Variants in ERBB4 observed in about 807,000 individuals in gnomAD.
ERBB4 encodes the protein erb-b2 receptor tyrosine kinase 4.
ERBB4 carries 42 observed loss-of-function variants against 158.0 expected under a neutral mutation model. The ratio of observed to expected loss-of-function variants is 0.27; its 90% confidence interval spans 0.21 to 0.34. ERBB4 has a LOEUF of 0.34. Ranked by LOEUF, ERBB4 falls within the 10% of genes least tolerant of loss-of-function variation. ERBB4 has a pLI of 1.00. For synonymous variants in ERBB4, 583 were observed against 558.7 expected, an observed-to-expected ratio of 1.04 and a Z score of -0.61; for missense variants, 1,333 against 1,624.1, an observed-to-expected ratio of 0.82 and a Z score of 3.08.
chr2:211,785,070 G>C (rs1307853676), intron 4 of ERBB4, among the ~76,000 whole-genome samples: 4 of 147,912 alleles, frequency 2.7e-5, no homozygotes, highest in African/African-American at 4.9e-5. Flanking sequence ...TCATTCTGTT[G>C]ATTGTACCTT....
intron 19 of ERBB4, among the ~76,000 whole-genome samples, chr2:211,572,286 T>C (rs948916136): frequency 2.0e-5 from 3 of 152,250 alleles, no homozygotes; most frequent in Non-Finnish European, 4.4e-5. Flanking sequence ...TTAAATTTTA[T>C]ATTGTGAAAA....
At chr2:212,237,004 G>T (rs1257677869) in intron 1 of ERBB4, among the ~76,000 whole-genome samples, 1 of 151,726 alleles carries the variant, frequency 6.6e-6, no homozygotes, top group African/African-American at 2.4e-5. Context: ...CTTGTCTTCT[G>T]CTAGCTTTTG....
At chr2:212,525,266 C>T (rs1692388087) in intron 1 of ERBB4, among the ~76,000 whole-genome samples, 1 of 151,804 alleles carries the variant, frequency 6.6e-6, no homozygotes, top group South Asian at 2.1e-4. Flanking sequence ...AACATTTCAC[C>T]TTGACTGGTT....
chr2:211,584,576 T>A (rs1401752595), intron 19 of ERBB4, among the ~76,000 whole-genome samples: 1 of 152,032 alleles, frequency 6.6e-6, no homozygotes, highest in Non-Finnish European at 1.5e-5. Context: ...AAAATATATT[T>A]TGAGTACTAG....
intron 2 of ERBB4, among the ~76,000 whole-genome samples, chr2:212,071,862 T>A (rs2078130972): frequency 6.6e-6 from 1 of 152,026 alleles, no homozygotes; most frequent in Non-Finnish European, 1.5e-5. Context: ...GATTGGAGTC[T>A]GTTAATAAAG....
intron 4 of ERBB4, among the ~76,000 whole-genome samples, chr2:211,773,645 T>TAA (rs2075793827): frequency 1.2e-5 from 1 of 85,294 alleles, no homozygotes; most frequent in East Asian, 5.4e-4. Flanking sequence ...TATATATATA[T>TAA]ATAATATATA....
At chr2:211,981,055 T>C (rs1400109084) in intron 2 of ERBB4, among the ~76,000 whole-genome samples, 1 of 132,664 alleles carries the variant, frequency 7.5e-6, no homozygotes, top group African/African-American at 2.5e-5. Flanking sequence ...ACTTCCTATC[T>C]TGTGAATGTT....
intron 3 of ERBB4, among the ~76,000 whole-genome samples, chr2:211,839,713 T>C (rs2077428733): frequency 6.6e-6 from 1 of 152,068 alleles, no homozygotes; most frequent in Non-Finnish European, 1.5e-5. Context: ...AACACTGGTG[T>C]AAATTAAAAA....
At chr2:211,969,317 A>G (rs1037410823) in intron 2 of ERBB4, among the ~76,000 whole-genome samples, 1 of 152,078 alleles carries the variant, frequency 6.6e-6, no homozygotes, top group South Asian at 2.1e-4. Context: ...AGAGTTGAAT[A>G]GACATATCTC....
rs10205291 is a variant in ERBB4, at chr2:211,695,153, C to T, written c.1489+6814G>A. 4.5e-3 allele frequency among the ~76,000 whole-genome samples: 685 copies of T among 152,270 alleles called. 7 individuals are homozygous for T. Among genetic ancestry groups the T allele is most frequent in the African/African-American group, 0.016 (647 of 41,560 alleles). ...TAAGCAAACACTGTTTTATTCTCCACTGTGTGATATACCTTCCATTCCCTA... is the reference window on the plus strand; with the variant it reads ...TAAGCAAACACTGTTTTATTCTCCATTGTGTGATATACCTTCCATTCCCTA... On this transcript the variant is annotated intron_variant, in intron 12 of 27. Transcript: ENST00000342788.
At chr2:212,402,452 C>T (rs1294953409) in intron 1 of ERBB4, among the ~76,000 whole-genome samples, 1 of 151,968 alleles carries the variant, frequency 6.6e-6, no homozygotes. Context: ...AGAGCCTACC[C>T]AGGTGATAAA....
chr2:211,870,305 A>C (rs1028935859), intron 3 of ERBB4, among the ~76,000 whole-genome samples: 5 of 152,186 alleles, frequency 3.3e-5, no homozygotes, highest in Non-Finnish European at 7.4e-5. Context: ...CATAAAAGTG[A>C]CATCAAGCTT....
chr2:211,673,316 G>T, intron 13 of ERBB4, 59 bp from the exon 14 acceptor site: 1 of 1,218,442 alleles, frequency 8.2e-7, no homozygotes, highest in Non-Finnish European at 1.2e-6. Flanking sequence ...CTTAACAAAT[G>T]AAGTAACATC....
At chr2:212,077,474 C>T (rs892278867) in intron 2 of ERBB4, among the ~76,000 whole-genome samples, 5 of 151,600 alleles carry the variant, frequency 3.3e-5, no homozygotes, top group African/African-American at 1.2e-4. Flanking sequence ...ATCAGTGAAC[C>T]CAGGTAACAT....
intron 16 of ERBB4, among the ~76,000 whole-genome samples, chr2:211,644,982 G>A (rs2070732973): frequency 6.6e-6 from 1 of 151,902 alleles, no homozygotes; most frequent in Non-Finnish European, 1.5e-5. Flanking sequence ...GAGCCACGGG[G>A]GAGGAGAGTA....
At chr2:212,174,044 G>T (rs1349646372) in intron 1 of ERBB4, among the ~76,000 whole-genome samples, 1 of 152,038 alleles carries the variant, frequency 6.6e-6, no homozygotes, top group African/African-American at 2.4e-5. Context: ...CTCAGTAAAG[G>T]TCTGCCATTA....
intron 12 of ERBB4, among the ~76,000 whole-genome samples, chr2:211,692,704 T>C (rs2072869227): frequency 6.6e-6 from 1 of 152,092 alleles, no homozygotes; most frequent in East Asian, 1.9e-4. Flanking sequence ...TAAAGACACG[T>C]GTGATTATAT....
chr2:212,133,984 T>C (rs971165726), intron 1 of ERBB4, among the ~76,000 whole-genome samples: 1 of 152,210 alleles, frequency 6.6e-6, no homozygotes, highest in African/African-American at 2.4e-5. Flanking sequence ...CCAGCTTAAC[T>C]GTTATGAGCA....
intron 19 of ERBB4, among the ~76,000 whole-genome samples, chr2:211,609,463 C>T (rs1004393759): frequency 6.6e-6 from 1 of 152,176 alleles, no homozygotes; most frequent in Admixed American, 6.5e-5. Flanking sequence ...TCTGGCTATA[C>T]TTTTTTGAAC....
Sources: allele counts gnomAD v4.1 joint callset (sites outside exome capture counted in the v4.1 genomes callset), GRCh38; gene constraint gnomAD v4.1.1; transcripts MANE v1.5; gene names NCBI Gene and HGNC (gene_info 2026-07-23, HGNC 2026-07-21).